The following BTBD10 variants were observed in gnomAD, a reference collection of about 807,000 sequenced individuals.
The protein encoded by BTBD10 is BTB/POZ domain-containing protein 10.
BTBD10 carries 21 observed loss-of-function variants against 53.2 expected under a neutral mutation model. The ratio of observed to expected loss-of-function variants is 0.39; its 90% CI spans 0.28 to 0.57. BTBD10 has a LOEUF of 0.57. BTBD10 is among the 20% of genes least tolerant of loss of function. BTBD10 has a pLI of 0.53. For synonymous variants in BTBD10, 149 were observed against 192.7 expected (o/e 0.77, Z 1.88); for missense variants, 360 against 594.7 (o/e 0.61, Z 4.10).
At chr11:13,420,807 A>G (rs948085845) in intron 3 of BTBD10, among the ~76,000 whole-genome samples, 16 of 152,204 alleles carry the variant, frequency 1.1e-4, no homozygotes, top group Non-Finnish European at 2.2e-4. Flanking sequence ...AATTTATTAT[A>G]TCCTGCTATT....
At chr11:13,423,315 T>G (rs562717382) in intron 2 of BTBD10, among the ~76,000 whole-genome samples, 1 of 152,226 alleles carries the variant, frequency 6.6e-6, no homozygotes. Context: ...GCTTGGCATT[T>G]TGAATGATCC....
chr11:13,417,269 G>A lies in BTBD10; in HGVS notation c.585-9C>T. ...GGCCAGATCCAAACATCCTATGATA[G>A]TAAATAATTGAGAAATACGTCAATA... On this transcript the variant is annotated splice_polypyrimidine_tract_variant and intron_variant, in intron 4 of 8. Transcript: ENST00000278174. 4.4e-6 allele frequency: 7 copies of A among 1,581,442 alleles called. No individual in the cohort carries two copies. Among genetic ancestry groups the A allele is most frequent in the Non-Finnish European group, 6.0e-6 (7 of 1,157,658 alleles).
intron 6 of BTBD10, among the ~76,000 whole-genome samples, chr11:13,409,469 T>C (rs1211144505): frequency 6.6e-6 from 1 of 152,204 alleles, no homozygotes; most frequent in Non-Finnish European, 1.5e-5. Flanking sequence ...TCATTAAATA[T>C]TTGTTTAATT....
rs149429916 is a variant in BTBD10, at chr11:13,433,394, TAGTC to T, written c.102-11560_102-11557del. ...TGACAATACTCCTATCCATTTGAAT[TAGTC>T]AGACCTCAATAAAGAAGCAATATTT... On this transcript the variant is annotated intron_variant, in intron 2 of 8. Transcript: ENST00000278174. Among the ~76,000 whole-genome samples the T allele has an allele frequency of 6.2e-3, 948 of 152,334 alleles. 11 individuals are homozygous for T. Among genetic ancestry groups the T allele is most frequent in the African/African-American group, 0.021 (891 of 41,570 alleles).
In BTBD10 at chr11:13,421,684, A is replaced by G. The variant is rs1950244709; in HGVS notation, c.256T>C (p.Cys86Arg). 6.2e-7 allele frequency: 1 copy of G among 1,613,944 alleles called. No individual in the cohort carries two copies. Among genetic ancestry groups the G allele is most frequent in the Non-Finnish European group, 8.5e-7 (1 of 1,180,010 alleles). The change falls in exon 3 of 9, where the codon TGT (cysteine) becomes CGT (arginine). Residue 86 changes from cysteine to arginine, a missense_variant. Coordinates refer to ENST00000278174, the MANE Select transcript of BTBD10 (RefSeq NM_032320.7). The stretch of plus-strand genomic sequence containing the variant: ...GTTGGAGAAGTCACATTTCTAATAC[A>G]AGGAGTGAGCTGAGACTCCGTTCTT... The part of the protein sequence containing the change: ...HERTESQLTP[C>R]IRNVTSPTRQ...
chr11:13,399,811 A>C (rs1309336295), intron 8 of BTBD10, among the ~76,000 whole-genome samples: 1 of 152,126 alleles, frequency 6.6e-6, no homozygotes, highest in Admixed American at 6.5e-5. Flanking sequence ...CTGGAGGTCC[A>C]CTCCAGACCC....
At chr11:13,412,551 G>T (rs763741609) in intron 6 of BTBD10, among the ~76,000 whole-genome samples, 7 of 152,130 alleles carry the variant, frequency 4.6e-5, no homozygotes, top group Non-Finnish European at 1.0e-4. Context: ...CAATCTATTG[G>T]ATCTACTGTA....
chr11:13,399,058 G>A (rs1949639656), intron 8 of BTBD10, among the ~76,000 whole-genome samples: 1 of 152,116 alleles, frequency 6.6e-6, no homozygotes, highest in African/African-American at 2.4e-5. Flanking sequence ...TATCTTTGTG[G>A]CGTTCTCTGT....
chr11:13,428,103 C>T (rs958244710), intron 2 of BTBD10, among the ~76,000 whole-genome samples: 1 of 151,816 alleles, frequency 6.6e-6, no homozygotes, highest in African/African-American at 2.4e-5. Flanking sequence ...GGACAAAAAT[C>T]GAGAAGATAC....
chr11:13,395,506 G>A (rs1949524309), intron 8 of BTBD10, among the ~76,000 whole-genome samples: 2 of 152,106 alleles, frequency 1.3e-5, no homozygotes, highest in Admixed American at 1.3e-4. Flanking sequence ...TCACTCTGAT[G>A]GTGGTTTCTT....
chr11:13,414,538 C>T (rs980946561), intron 5 of BTBD10, among the ~76,000 whole-genome samples: 2 of 151,990 alleles, frequency 1.3e-5, no homozygotes, highest in African/African-American at 4.8e-5. Context: ...CCTGTAGTCC[C>T]AGCTACTCGG....
chr11:13,456,050 G>A (rs1265081464), intron 1 of BTBD10, among the ~76,000 whole-genome samples: 1 of 152,148 alleles, frequency 6.6e-6, no homozygotes, highest in African/African-American at 2.4e-5. Context: ...TGTCCGAAAA[G>A]TTTAAGGAAT....
chr11:13,405,621 G>C, intron 7 of BTBD10, 38 bp downstream of exon 7: 1 of 1,604,300 alleles, frequency 6.2e-7, no homozygotes, highest in South Asian at 1.1e-5. Context: ...AATAATTCGT[G>C]ATGATTCAGG....
In BTBD10 at chr11:13,452,962, C is replaced by A. The variant is rs566351026; in HGVS notation, c.-57-7781G>T. ...CTAAAAGTTTTAAGATTTTGCTCAGCCCTTGTTTAATTATACATGGTATAA... is the reference window on the plus strand; with the variant it reads ...CTAAAAGTTTTAAGATTTTGCTCAGACCTTGTTTAATTATACATGGTATAA... On this transcript the variant is annotated intron_variant, in intron 1 of 8. Transcript: ENST00000278174. 7.2e-5 allele frequency among the ~76,000 whole-genome samples: 11 copies of A among 152,150 alleles called. No individual in the cohort carries two copies. In the East Asian group the frequency reaches 2.1e-3, roughly 29 times the overall value.
chr11:13,421,987 ACTTGTAGG>A, intron 2 of BTBD10, 149 bp from the exon 3 acceptor site: 2 of 631,214 alleles, frequency 3.2e-6, no homozygotes, highest in Non-Finnish European at 5.1e-6. Context: ...TTTACCTCAA[ACTTGTAGG>A]CTTTAAAAAT....
Position 13,436,433 on chromosome 11 carries a change from C to G in BTBD10, c.101+8591G>C, listed in dbSNP as rs184213890. Among the ~76,000 whole-genome samples, 3 of 152,324 alleles carry G rather than the reference C, an allele frequency of 2.0e-5. No individual in the cohort carries two copies. In the East Asian group the frequency reaches 5.8e-4, roughly 29 times the overall value. On this transcript the variant is annotated intron_variant, in intron 2 of 8. Transcript: ENST00000278174. The stretch of plus-strand genomic sequence containing the variant: ...AACACCCACTAGAAGACATAATCAT[C>G]TGGGCTGAAAACCACTGCCTTAGTT...
Position 13,417,158 on chromosome 11 carries a change from C to T in BTBD10, c.687G>A (p.Leu229=), listed in dbSNP as rs1331937660. ...GIGSTVFRAI[L]DYYKTGIIRC... Reference sequence around the variant, plus strand: ...GTCAATACTCATAAGAAACACTCACCAGAATCGCTCGAAACACAGTGGAAC... The same window carrying T: ...GTCAATACTCATAAGAAACACTCACTAGAATCGCTCGAAACACAGTGGAAC... Residue 229 remains leucine, a splice_region_variant and synonymous_variant, in exon 5 of 9, where the codon CTG becomes CTA. Coordinates refer to ENST00000278174, the MANE Select transcript of BTBD10 (RefSeq NM_032320.7). The T allele has an allele frequency of 2.5e-6, 4 of 1,609,150 alleles. No homozygotes were observed. The Admixed American group carries it at 6.7e-5, about 27-fold the overall frequency.
chr11:13,391,813 G>A (rs570895526), intron 8 of BTBD10, among the ~76,000 whole-genome samples: 18 of 152,306 alleles, frequency 1.2e-4, no homozygotes, highest in Admixed American at 5.9e-4. Flanking sequence ...GTGTGGTGGC[G>A]TGCGCCTGTA....
chr11:13,394,018 T>G (rs1205837409), intron 8 of BTBD10, among the ~76,000 whole-genome samples: 3 of 152,212 alleles, frequency 2.0e-5, no homozygotes, highest in Non-Finnish European at 4.4e-5. Flanking sequence ...GAATGATAAA[T>G]GAGAAAATTA....
Sources: allele counts gnomAD v4.1 joint callset (sites outside exome capture counted in the v4.1 genomes callset), GRCh38; gene constraint gnomAD v4.1.1; transcripts MANE v1.5; gene names NCBI Gene and HGNC (gene_info 2026-07-23, HGNC 2026-07-21).